KCNN2: variants seen among roughly 807,000 people sequenced by gnomAD.
KCNN2 encodes the protein potassium calcium-activated channel subfamily N member 2, also known as small conductance calcium-activated potassium channel protein 2.
Under a neutral mutation model 55.5 loss-of-function variants are expected in KCNN2, and 24 were observed. The observed-to-expected ratio is 0.43, with a 90% CI of 0.31 to 0.61. The LOEUF is 0.61. Among genes scored for constraint, KCNN2 ranks in the 20% least tolerant of loss-of-function variants. The pLI is 0.08. For missense variants in KCNN2, 754 were observed against 853.6 expected, an observed-to-expected ratio of 0.88 and a Z score of 1.45; for synonymous variants, 431 against 336.1, an observed-to-expected ratio of 1.28 and a Z score of -3.09.
intron 1 of KCNN2, among the ~76,000 whole-genome samples, chr5:114,091,547 A>G (rs934375723): frequency 1.3e-5 from 2 of 152,150 alleles, no homozygotes; most frequent in Non-Finnish European, 1.5e-5. Flanking sequence ...CCCTTAAGCT[A>G]ATGAAAGATG....
At chr5:114,126,708 C>G (rs951533416) in intron 1 of KCNN2, among the ~76,000 whole-genome samples, 2 of 152,114 alleles carry the variant, frequency 1.3e-5, no homozygotes, top group African/African-American at 4.8e-5. Context: ...ACTCATTCCC[C>G]CAAAGCCTTA....
intron 1 of KCNN2, among the ~76,000 whole-genome samples, chr5:114,106,976 A>G (rs934653575): frequency 6.6e-6 from 1 of 152,058 alleles, no homozygotes; most frequent in African/African-American, 2.4e-5. Flanking sequence ...ATATTCTCCT[A>G]TTCAATCTTT....
At chr5:114,151,560 AT>A (rs1752524615) in intron 1 of KCNN2, among the ~76,000 whole-genome samples, 1 of 152,072 alleles carries the variant, frequency 6.6e-6, no homozygotes, top group African/African-American at 2.4e-5. Flanking sequence ...AAAAAAAAAA[AT>A]TGGTCAATTC....
intron 2 of KCNN2, among the ~76,000 whole-genome samples, chr5:114,263,387 C>T (rs1755149096): frequency 6.6e-6 from 1 of 151,750 alleles, no homozygotes; most frequent in Non-Finnish European, 1.5e-5. Context: ...TATTTATATT[C>T]TTGTTTATTT....
chr5:114,441,265 T>G (rs1233785350), intron 3 of KCNN2, among the ~76,000 whole-genome samples: 3 of 152,174 alleles, frequency 2.0e-5, no homozygotes, highest in Non-Finnish European at 4.4e-5. Flanking sequence ...AACTCAGTAT[T>G]TAATGAGTCA....
intron 2 of KCNN2, among the ~76,000 whole-genome samples, chr5:114,393,312 A>G (rs1758512012): frequency 1.3e-5 from 2 of 152,198 alleles, no homozygotes; most frequent in Non-Finnish European, 2.9e-5. Context: ...GAAAACAGTT[A>G]TGTAATGTAA....
At chr5:114,230,189 G>A (rs983182768) in intron 2 of KCNN2, among the ~76,000 whole-genome samples, 1 of 151,470 alleles carries the variant, frequency 6.6e-6, no homozygotes, top group East Asian at 1.9e-4. Flanking sequence ...TTAAGGATAA[G>A]TATTAGATTA....
intron 2 of KCNN2, among the ~76,000 whole-genome samples, chr5:114,302,214 A>G (rs1285130096): frequency 2.0e-5 from 3 of 152,224 alleles, no homozygotes; most frequent in Non-Finnish European, 4.4e-5. Flanking sequence ...GACTTTGCAT[A>G]GTTACTAACA....
At chr5:114,274,365 T>C (rs574966901) in intron 2 of KCNN2, among the ~76,000 whole-genome samples, 4 of 152,194 alleles carry the variant, frequency 2.6e-5, no homozygotes, top group African/African-American at 9.6e-5. Context: ...TTTTCCAATT[T>C]TGTGAGTAAA....
Position 114,388,863 on chromosome 5 carries a change from A to G in KCNN2, c.1219-15575A>G, listed in dbSNP as rs369855259. Among the ~76,000 whole-genome samples the G allele has an allele frequency of 5.3e-5, 8 of 152,274 alleles. No individual in the cohort carries two copies. In the East Asian group the frequency reaches 5.8e-4, roughly 11 times the overall value. On this transcript the variant is annotated intron_variant, in intron 2 of 7. Transcript: ENST00000673685. The stretch of plus-strand genomic sequence containing the variant: ...GGAATATTTCTAAAATTTAGACATA[A>G]TTTAAATAATGATTTTACAGCCCTT...
At chr5:114,248,633 A>C (rs765015708) in intron 2 of KCNN2, among the ~76,000 whole-genome samples, 5 of 152,194 alleles carry the variant, frequency 3.3e-5, no homozygotes, top group South Asian at 4.1e-4. Context: ...CCCACTAGAA[A>C]ATTATTTCAA....
chr5:114,176,576 T>C (rs979373337), intron 1 of KCNN2, among the ~76,000 whole-genome samples: 1 of 152,134 alleles, frequency 6.6e-6, no homozygotes, highest in African/African-American at 2.4e-5. Flanking sequence ...TGATGATGCA[T>C]TAATAAGGAA....
At chr5:114,327,700 CTG>C (rs1756739051) in intron 2 of KCNN2, among the ~76,000 whole-genome samples, 1 of 152,174 alleles carries the variant, frequency 6.6e-6, no homozygotes, top group East Asian at 1.9e-4. Context: ...GTGTTTCAGT[CTG>C]TGCTTTCTCC....
intron 2 of KCNN2, among the ~76,000 whole-genome samples, chr5:114,235,940 A>G (rs1369327485): frequency 2.0e-5 from 3 of 152,204 alleles, no homozygotes; most frequent in African/African-American, 7.2e-5. Context: ...ACTAATCAGT[A>G]TAAGTGTGCT....
intron 2 of KCNN2, among the ~76,000 whole-genome samples, chr5:114,266,932 C>T (rs543439397): frequency 2.0e-5 from 3 of 151,908 alleles, no homozygotes; most frequent in African/African-American, 7.3e-5. Context: ...TTCTAACAAC[C>T]CTCTCTTAGT....
intron 4 of KCNN2, among the ~76,000 whole-genome samples, chr5:114,472,484 T>G (rs914597642): frequency 6.6e-6 from 1 of 152,176 alleles, no homozygotes; most frequent in African/African-American, 2.4e-5. Flanking sequence ...ACTTCATCTA[T>G]CTCTGTTGCC....
intron 1 of KCNN2, among the ~76,000 whole-genome samples, chr5:114,164,334 G>A (rs1242399363): frequency 6.6e-6 from 1 of 152,118 alleles, no homozygotes; most frequent in South Asian, 2.1e-4. Context: ...ACTGACCTAG[G>A]TTTATTTTTA....
intron 3 of KCNN2, among the ~76,000 whole-genome samples, chr5:114,413,080 G>A (rs1369054850): frequency 6.6e-6 from 1 of 152,120 alleles, no homozygotes; most frequent in Admixed American, 6.6e-5. Context: ...ACTTTAAAAT[G>A]GGCCCTTTCA....
chr5:114,294,040 C>G (rs1354902652), intron 2 of KCNN2, among the ~76,000 whole-genome samples: 1 of 151,970 alleles, frequency 6.6e-6, no homozygotes, highest in Non-Finnish European at 1.5e-5. Flanking sequence ...GTGGTGATAT[C>G]CCCTTTATCA....
Sources: allele counts gnomAD v4.1 joint callset (sites outside exome capture counted in the v4.1 genomes callset), GRCh38; gene constraint gnomAD v4.1.1; transcripts MANE v1.5; gene names NCBI Gene and HGNC (gene_info 2026-07-23, HGNC 2026-07-21).